TRDN: variants seen among roughly 807,000 people sequenced by gnomAD.
TRDN encodes the protein triadin.
A neutral mutation model predicts 149.7 loss-of-function variants in TRDN; 161 were observed. The observed-to-expected ratio is 1.08, with a 90% CI of 0.95 to 1.23. The LOEUF is 1.23. Among genes scored for constraint, TRDN ranks in the 50% most tolerant of loss-of-function variants. The pLI is 0.00. For missense variants in TRDN, 896 were observed against 823.5 expected (o/e 1.09, Z -1.08); for synonymous variants, 294 against 250.5 (o/e 1.17, Z -1.64).
intron 1 of TRDN, among the ~76,000 whole-genome samples, chr6:123,607,509 C>A (rs932762856): frequency 6.6e-6 from 1 of 152,118 alleles, no homozygotes; most frequent in Non-Finnish European, 1.5e-5. Context: ...ATTTTCAGCA[C>A]ATGGCCCTCT....
chr6:123,506,202 G>T (rs1353195934), intron 7 of TRDN, among the ~76,000 whole-genome samples: 1 of 152,120 alleles, frequency 6.6e-6, no homozygotes, highest in Non-Finnish European at 1.5e-5. Flanking sequence ...AGTCTATGTT[G>T]ACCTGGGCTC....
chr6:123,272,888 A>C (rs1777249709), intron 29 of TRDN, 76 bp downstream of exon 29: 9 of 1,059,896 alleles, frequency 8.5e-6, no homozygotes, highest in South Asian at 1.6e-5. Flanking sequence ...TTTAGACTTG[A>C]CTCTAAACTC....
At chr6:123,341,235 A>G (rs1202732672) in intron 21 of TRDN, among the ~76,000 whole-genome samples, 1 of 144,708 alleles carries the variant, frequency 6.9e-6, no homozygotes, top group Non-Finnish European at 1.5e-5. Context: ...ATAACAGACT[A>G]ATTTTACTGT....
chr6:123,571,984 T>A (rs1189204778), intron 1 of TRDN, among the ~76,000 whole-genome samples: 1 of 152,186 alleles, frequency 6.6e-6, no homozygotes, highest in African/African-American at 2.4e-5. Flanking sequence ...AAGTCCTAAA[T>A]ATAGAATTCC....
chr6:123,523,789 G>A (rs1006356537), intron 5 of TRDN, among the ~76,000 whole-genome samples: 2 of 152,118 alleles, frequency 1.3e-5, no homozygotes, highest in African/African-American at 2.4e-5. Flanking sequence ...AAATTCAAAT[G>A]CCTTCATAGA....
At chr6:123,607,670 TTA>T (rs1360588542) in intron 1 of TRDN, among the ~76,000 whole-genome samples, 3 of 152,184 alleles carry the variant, frequency 2.0e-5, no homozygotes, top group Non-Finnish European at 4.4e-5. Context: ...AACTTGCAGA[TTA>T]TGTTTATTTG....
intron 2 of TRDN, among the ~76,000 whole-genome samples, chr6:123,556,522 T>G (rs1781663716): frequency 6.6e-6 from 1 of 152,168 alleles, no homozygotes; most frequent in African/African-American, 2.4e-5. Context: ...AAAATTCTAA[T>G]TGCAATATAA....
chr6:123,565,489 T>C (rs1267000475), intron 2 of TRDN, among the ~76,000 whole-genome samples: 2 of 152,216 alleles, frequency 1.3e-5, no homozygotes, highest in African/African-American at 4.8e-5. Flanking sequence ...ATGATATTGT[T>C]GTCCTATATG....
chr6:123,522,554 A>G (rs1393098603), intron 5 of TRDN, among the ~76,000 whole-genome samples: 1 of 110,096 alleles, frequency 9.1e-6, no homozygotes, highest in Non-Finnish European at 1.8e-5. Flanking sequence ...TTTCCAAATC[A>G]TCCATATTTA....
chr6:123,621,072 G>T (rs990963458), intron 1 of TRDN, among the ~76,000 whole-genome samples: 1 of 152,062 alleles, frequency 6.6e-6, no homozygotes, highest in Non-Finnish European at 1.5e-5. Flanking sequence ...CAAGTAAAAT[G>T]CTTGGCAATG....
At chr6:123,380,747 T>C (rs1231619297) in intron 16 of TRDN, among the ~76,000 whole-genome samples, 2 of 143,174 alleles carry the variant, frequency 1.4e-5, no homozygotes, top group East Asian at 3.9e-4. Context: ...TTGTTAAATA[T>C]ATCTTATTTT....
At chr6:123,228,844 G>A (rs1231844764) in intron 38 of TRDN, among the ~76,000 whole-genome samples, 1 of 151,788 alleles carries the variant, frequency 6.6e-6, no homozygotes, top group Non-Finnish European at 1.5e-5. Flanking sequence ...AGAAATGAAG[G>A]AGAAGGCATT....
At chr6:123,443,828 A>G (rs36163178) in intron 10 of TRDN, among the ~76,000 whole-genome samples, 17,427 of 143,136 alleles carry the variant, frequency 0.12, 1,523 homozygotes, top group African/African-American at 0.25. Flanking sequence ...TCAGATAGTT[A>G]TAGATATGCG....
At chr6:123,451,142 A>G (rs181117141) in intron 10 of TRDN, among the ~76,000 whole-genome samples, 1 of 152,266 alleles carries the variant, frequency 6.6e-6, no homozygotes, top group African/African-American at 2.4e-5. Context: ...CCTACATCAA[A>G]AAGACTAAAA....
intron 4 of TRDN, among the ~76,000 whole-genome samples, chr6:123,539,476 G>A (rs1007775294): frequency 6.6e-6 from 1 of 152,186 alleles, no homozygotes; most frequent in Non-Finnish European, 1.5e-5. Flanking sequence ...CTGGACATCA[G>A]TAAATCTGGC....
intron 10 of TRDN, among the ~76,000 whole-genome samples, chr6:123,449,275 G>T (rs1225811751): frequency 6.6e-6 from 1 of 152,052 alleles, no homozygotes; most frequent in African/African-American, 2.4e-5. Context: ...AGCTAATCAG[G>T]GAGGCACCAG....
intron 1 of TRDN, among the ~76,000 whole-genome samples, chr6:123,629,073 C>A (rs9490840): frequency 0.15 from 22,154 of 151,996 alleles, 3,445 homozygotes; most frequent in African/African-American, 0.4. Context: ...TAGGTTAAAT[C>A]AGAATAACCA....
chr6:123,529,093 A>G, intron 5 of TRDN: 1 of 1,452,006 alleles, frequency 6.9e-7, no homozygotes, highest in East Asian at 2.5e-5. Flanking sequence ...CCAAAATGCA[A>G]ATGGTGCCAT....
intron 23 of TRDN, among the ~76,000 whole-genome samples, chr6:123,325,462 T>G (rs1487272022): frequency 6.6e-6 from 1 of 152,126 alleles, no homozygotes; most frequent in Non-Finnish European, 1.5e-5. Context: ...AGTTCTAATA[T>G]TTCGTAGAGG....
Sources: gnomAD v4.1 joint callset for allele counts (sites outside exome capture counted in the v4.1 genomes callset) on GRCh38, gnomAD v4.1.1 for gene constraint, MANE v1.5 for transcripts, NCBI Gene and HGNC (gene_info 2026-07-23, HGNC 2026-07-21) for gene names.